HK1: variants seen among roughly 807,000 people sequenced by gnomAD.
HK1 encodes the protein hexokinase 1, also known as hexokinase-1.
In HK1, 28 loss-of-function variants were observed where a neutral mutation model predicts 91.6. The ratio of observed to expected loss-of-function variants is 0.31; its 90% confidence interval spans 0.23 to 0.42. The LOEUF is 0.42. HK1 is among the 10% of genes least tolerant of loss of function. The pLI is 1.00. For synonymous variants in HK1, 430 were observed against 468.1 expected (o/e 0.92, Z 1.05); for missense variants, 770 against 1,219.8 (o/e 0.63, Z 5.49).
At chr10:69,374,725 A>G (rs1838995048) in intron 7 of HK1, among the ~76,000 whole-genome samples, 1 of 152,200 alleles carries the variant, frequency 6.6e-6, no homozygotes, top group African/African-American at 2.4e-5. Context: ...GGGTATCACT[A>G]TCCATGTGTG....
intron 16 of HK1, among the ~76,000 whole-genome samples, chr10:69,396,108 C>T (rs1019558915): frequency 2.6e-5 from 4 of 151,734 alleles, no homozygotes; most frequent in African/African-American, 9.7e-5. Flanking sequence ...CCCATTTCTA[C>T]AAAAAGTGCA....
chr10:69,392,260 A>G lies in HK1; in HGVS notation c.2171A>G (p.His724Arg), dbSNP rs1201215101. 2 of 1,614,134 alleles carry G rather than the reference A, an allele frequency of 1.2e-6. No individual in the cohort carries two copies. Among genetic ancestry groups the G allele is most frequent in the South Asian group, 1.1e-5 (1 of 91,090 alleles). ...GGGTGTCTGGATGATATCAGGACAC[A>G]CTACGACAGACTGGTGGACGAATAT... The part of the protein sequence containing the change: ...DNGCLDDIRT[H>R]YDRLVDEYSL... The change falls in exon 15 of 18, where the codon CAC becomes CGC. Residue 724 changes from histidine (H) to arginine (R), a missense_variant. This residue lies in a region of HK1 where 152 missense variants were observed against 211.1 expected (regional missense o/e 0.72). Coordinates refer to ENST00000359426, the MANE Select transcript of HK1 (RefSeq NM_000188.3).
chr10:69,356,215 C>A (rs1196063467), intron 2 of HK1, among the ~76,000 whole-genome samples: 2 of 151,864 alleles, frequency 1.3e-5, no homozygotes, highest in African/African-American at 2.4e-5. Context: ...GCAAGAGGAT[C>A]ACTTGAGCGA....
intron 2 of HK1, among the ~76,000 whole-genome samples, chr10:69,354,430 G>A (rs937948187): frequency 2.6e-5 from 4 of 152,126 alleles, no homozygotes; most frequent in Admixed American, 6.5e-5. Flanking sequence ...CTCACAAAGC[G>A]GCAGGAAGGA....
Position 69,294,006 on chromosome 10 carries a change from C to T in HK1, c.-114-1627C>T, listed in dbSNP as rs549804865. ...CCTCCCGAGTAGCTGGGACTACAGG[C>T]GCCCACCACCACGCCCGGCTGATTT... On this transcript the variant is annotated intron_variant, in intron 3 of 21. Coordinates refer to the HK1 transcript ENST00000360289. Among the ~76,000 whole-genome samples, 35 of 151,590 alleles carry T rather than the reference C, an allele frequency of 2.3e-4. 1 individual carries two copies. Among genetic ancestry groups the T allele is most frequent in the South Asian group, 1.0e-3 (5 of 4,792 alleles).
chr10:69,399,644 C>G (rs997579971), intron 17 of HK1, among the ~76,000 whole-genome samples: 7 of 152,054 alleles, frequency 4.6e-5, no homozygotes, highest in Non-Finnish European at 1.0e-4. Context: ...TGGCCTCCCT[C>G]TGGTCAGGCA....
upstream of HK1, among the ~76,000 whole-genome samples, chr10:69,316,788 C>G (rs1846669953): frequency 6.6e-6 from 1 of 152,246 alleles, no homozygotes; most frequent in Non-Finnish European, 1.5e-5. Flanking sequence ...TGCCAAGTGC[C>G]AGGCCCTGCG....
At chr10:69,400,219 C>G (rs111664428) in intron 17 of HK1, among the ~76,000 whole-genome samples, 2,411 of 152,318 alleles carry the variant, frequency 0.016, 69 homozygotes, top group African/African-American at 0.055. Flanking sequence ...AAGTGATCCT[C>G]CCACCTTGGC....
At chr10:69,298,514 C>G (rs1341237016) in intron 4 of HK1, among the ~76,000 whole-genome samples, 1 of 151,752 alleles carries the variant, frequency 6.6e-6, no homozygotes, top group Non-Finnish European at 1.5e-5. Flanking sequence ...ACAATCCCAG[C>G]TACTTGAGAG....
intron 2 of HK1, among the ~76,000 whole-genome samples, chr10:69,350,600 T>A (rs1193672852): frequency 2.6e-5 from 4 of 151,852 alleles, no homozygotes; most frequent in African/African-American, 9.7e-5. Flanking sequence ...AGTTGGAGGT[T>A]GCAGTGAACC....
At chr10:69,287,850 G>A (rs1845101434) in intron 2 of HK1, among the ~76,000 whole-genome samples, 1 of 151,960 alleles carries the variant, frequency 6.6e-6, no homozygotes, top group Non-Finnish European at 1.5e-5. Context: ...TTTAAAAGTC[G>A]TAAGTAGACT....
chr10:69,339,701 G>A (rs1209531543), intron 1 of HK1, among the ~76,000 whole-genome samples: 1 of 152,344 alleles, frequency 6.6e-6, no homozygotes, highest in East Asian at 1.9e-4. Context: ...GGATAGCTGT[G>A]GAGTTATGGA....
chr10:69,343,573 A>G (rs545151890), intron 1 of HK1, among the ~76,000 whole-genome samples: 39 of 152,304 alleles, frequency 2.6e-4, no homozygotes, highest in Admixed American at 7.8e-4. Context: ...AGCAGCTTCC[A>G]TGTCATATTT....
chr10:69,303,351 C>T (rs572151420), intron 5 of HK1, among the ~76,000 whole-genome samples: 1 of 152,092 alleles, frequency 6.6e-6, no homozygotes, highest in Non-Finnish European at 1.5e-5. Context: ...TTGTAACCAC[C>T]CAGAGGGTTC....
chr10:69,370,466 C>T (rs1316009031), intron 7 of HK1, among the ~76,000 whole-genome samples: 4 of 152,172 alleles, frequency 2.6e-5, no homozygotes, highest in Non-Finnish European at 5.9e-5. Flanking sequence ...GCTGTAGTCA[C>T]GAGTGTTGCT....
chr10:69,314,662 C>CTCTT (rs1846548887), upstream of HK1, among the ~76,000 whole-genome samples: 1 of 130,948 alleles, frequency 7.6e-6, no homozygotes, highest in South Asian at 2.3e-4. Flanking sequence ...CTTCTCTTCT[C>CTCTT]TCTTTTCTTT....
chr10:69,401,748 T>G lies in HK1; in HGVS notation c.*613T>G, dbSNP rs1589599042. ...ATTCTGTTTGTCTCGTGGGGGGAGG[T>G]GGACAGTCCTGCGGAAATGTGTCTT... On this transcript the variant is annotated 3_prime_UTR_variant, in exon 18 of 18. Coordinates refer to ENST00000359426, the MANE Select transcript of HK1 (RefSeq NM_000188.3). 1 of 191,272 alleles carries G rather than the reference T, an allele frequency of 5.2e-6. No individual in the cohort carries two copies. The highest frequency in any genetic ancestry group is 1.1e-5 in the Non-Finnish European group (1 of 89,878). 11.8% of individuals were successfully genotyped at this position (191,272 alleles called of 1,614,324 possible). A position where few individuals can be genotyped will look rare whatever the true frequency, so the allele number is the denominator to read the frequency against.
At chr10:69,298,208 T>A (rs1371175469) in intron 4 of HK1, among the ~76,000 whole-genome samples, 2 of 151,382 alleles carry the variant, frequency 1.3e-5, no homozygotes, top group African/African-American at 2.4e-5. Context: ...AGAAACTCCA[T>A]CTCAAGGAAA....
intron 2 of HK1, among the ~76,000 whole-genome samples, chr10:69,348,853 G>C (rs746670808): frequency 2.0e-5 from 3 of 152,140 alleles, no homozygotes; most frequent in Non-Finnish European, 2.9e-5. Context: ...ACTCAGGCAG[G>C]CATTTCCCGC....
Sources: gnomAD v4.1 joint callset for allele counts (sites outside exome capture counted in the v4.1 genomes callset) on GRCh38, gnomAD v4.1.1 for gene constraint, gnomAD v4.1.1 regional missense constraint, MANE v1.5 for transcripts, NCBI Gene and HGNC (gene_info 2026-07-23, HGNC 2026-07-21) for gene names.